The following PALLD variants were observed in gnomAD, a reference collection of about 807,000 sequenced individuals.
The protein encoded by PALLD is palladin.
A neutral mutation model predicts 123.5 loss-of-function variants in PALLD; 61 were observed. The observed-to-expected ratio is 0.49, with a 90% CI of 0.40 to 0.61. The LOEUF is 0.61. PALLD is among the 20% of genes least tolerant of loss of function. The pLI is 0.00. For missense variants in PALLD, 1,273 were observed against 1,377.0 expected, an observed-to-expected ratio of 0.92 and a Z score of 1.20; for synonymous variants, 465 against 496.4, an observed-to-expected ratio of 0.94 and a Z score of 0.84.
At chr4:168,865,870 G>A (rs1750193393) in intron 10 of PALLD, among the ~76,000 whole-genome samples, 1 of 152,178 alleles carries the variant, frequency 6.6e-6, no homozygotes, top group African/African-American at 2.4e-5. Flanking sequence ...GAAAGACCGA[G>A]AATGATTTAG....
chr4:168,926,131 C>A, intron 21 of PALLD, 82 bp from the exon 22 acceptor site: 4 of 1,154,672 alleles, frequency 3.5e-6, no homozygotes, highest in Non-Finnish European at 4.7e-6. Context: ...TCTATCTAGA[C>A]ATTCTGTATT....
At position 168,924,968 on chromosome 4, in the gene PALLD, A is replaced by T; in HGVS notation, c.3248A>T (p.Tyr1083Phe). 1 of 1,614,138 alleles carries T rather than the reference A, an allele frequency of 6.2e-7. No individual in the cohort carries two copies. Among genetic ancestry groups the T allele is most frequent in the Admixed American group, 1.7e-5 (1 of 60,020 alleles). The change falls in exon 20 of 22, where the codon TAC becomes TTC. Residue 1083 changes from tyrosine (Y) to phenylalanine (F), a missense_variant. Tyr to Phe is a conservative substitution (Grantham distance 22). This residue lies in a region of PALLD where 329 missense variants were observed against 422.5 expected (regional missense o/e 0.78). Coordinates refer to ENST00000505667, the MANE Select transcript of PALLD (RefSeq NM_001166108.2). ...AGCATGCACCAGGACAACCACGGCT[A>T]CATCTGCCTGCTCATTCAGGGAGCC... is the stretch of plus-strand genomic sequence containing the variant. ...RVSMHQDNHG[Y>F]ICLLIQGATK...
At chr4:168,747,774 A>G (rs903508913) in intron 10 of PALLD, among the ~76,000 whole-genome samples, 4 of 152,204 alleles carry the variant, frequency 2.6e-5, no homozygotes, top group African/African-American at 7.2e-5. Flanking sequence ...AATTTTAGAG[A>G]TAGATTATTA....
intron 1 of PALLD, among the ~76,000 whole-genome samples, chr4:168,505,466 T>C (rs890061361): frequency 1.3e-5 from 2 of 152,252 alleles, no homozygotes; most frequent in African/African-American, 4.8e-5. Context: ...TCATATTATG[T>C]TCATTTGGAA....
At chr4:168,836,701 G>C (rs1745249438) in intron 10 of PALLD, among the ~76,000 whole-genome samples, 1 of 152,200 alleles carries the variant, frequency 6.6e-6, no homozygotes, top group Non-Finnish European at 1.5e-5. Context: ...ATGACATTCG[G>C]ATGCCTTTGT....
In PALLD at chr4:168,685,470, T is replaced by G; in HGVS notation, c.1261-15T>G. 1.3e-6 allele frequency: 2 copies of G among 1,564,302 alleles called. No individual in the cohort carries two copies. The highest frequency in any genetic ancestry group is 1.8e-6 in the Non-Finnish European group (2 of 1,134,812). On this transcript the variant is annotated splice_polypyrimidine_tract_variant and intron_variant, in intron 5 of 21. Transcript: ENST00000505667. ...ATATATTTAGAATTTGATCCATATGTCTCTGCTTTTGCAGGTTCACAGTCC... is the reference window on the plus strand; with the variant it reads ...ATATATTTAGAATTTGATCCATATGGCTCTGCTTTTGCAGGTTCACAGTCC...
At chr4:168,859,803 C>T (rs1749169940) in intron 10 of PALLD, among the ~76,000 whole-genome samples, 1 of 151,884 alleles carries the variant, frequency 6.6e-6, no homozygotes, top group Admixed American at 6.6e-5. Context: ...CAATGAAGAC[C>T]ACATATGCAG....
chr4:168,542,673 A>G (rs200639501), intron 2 of PALLD, among the ~76,000 whole-genome samples: 3 of 134,562 alleles, frequency 2.2e-5, no homozygotes, highest in African/African-American at 8.5e-5. Flanking sequence ...CTCTCTCTAT[A>G]TATATATATA....
intron 5 of PALLD, among the ~76,000 whole-genome samples, chr4:168,683,394 A>G (rs1781738350): frequency 6.6e-6 from 1 of 152,184 alleles, no homozygotes; most frequent in African/African-American, 2.4e-5. Context: ...AGCTGTAACT[A>G]TTTGATTATT....
chr4:168,637,002 A>G (rs1776410081), intron 2 of PALLD, among the ~76,000 whole-genome samples: 1 of 152,210 alleles, frequency 6.6e-6, no homozygotes, highest in Non-Finnish European at 1.5e-5. Context: ...GAGAGATCAG[A>G]AAACTGGTAA....
chr4:168,810,796 C>G (rs1455397016), intron 10 of PALLD, among the ~76,000 whole-genome samples: 1 of 137,642 alleles, frequency 7.3e-6, no homozygotes, highest in Non-Finnish European at 1.5e-5. Context: ...GCCTGGGCGA[C>G]AGAGCGAGAC....
chr4:168,690,576 TTTTCCTTGAA>T lies in PALLD; in HGVS notation c.1336-12_1336-3del, dbSNP rs772432015. The T allele has an allele frequency of 1.7e-5, 27 of 1,613,922 alleles. No homozygotes were observed. The Middle Eastern group carries it at 4.9e-4, about 29-fold the overall frequency. ...AAAAATGCACCAAAGTCTGATGGGG[TTTTCCTTGAA>T]TTTCCTTGAATTTCAGGAACTGCAA... On this transcript the variant is annotated splice_polypyrimidine_tract_variant and intron_variant, in intron 6 of 21. Transcript: ENST00000505667.
chr4:168,681,377 CAA>C lies in PALLD; in HGVS notation c.1134_1135del (p.Arg379SerfsTer53). Reference sequence around the variant, plus strand: ...GACAGTGAAAGTTTAGCTTTCAAATCAAGAGCTGGAGCTATGCCACAGTAAGT... The same window carrying C: ...GACAGTGAAAGTTTAGCTTTCAAATCGAGCTGGAGCTATGCCACAGTAAGT... On this transcript the variant is annotated frameshift_variant, in exon 4 of 22. Coordinates refer to ENST00000505667, the MANE Select transcript of PALLD (RefSeq NM_001166108.2). LOFTEE classifies it high-confidence loss of function. 1.2e-6 allele frequency: 2 copies of C among 1,607,372 alleles called. No individual in the cohort carries two copies. Among genetic ancestry groups the C allele is most frequent in the Non-Finnish European group, 1.7e-6 (2 of 1,174,144 alleles).
At chr4:168,769,762 AAT>A (rs1434716261) in intron 10 of PALLD, among the ~76,000 whole-genome samples, 3 of 152,190 alleles carry the variant, frequency 2.0e-5, no homozygotes, top group African/African-American at 7.2e-5. Flanking sequence ...GAACACTCAT[AAT>A]GTTGAAAGGG....
At chr4:168,700,130 A>G (rs1343168112) in intron 8 of PALLD, 2 of 218,418 alleles carry the variant, frequency 9.2e-6, no homozygotes, top group Admixed American at 9.5e-5. Flanking sequence ...TGTCAGAACC[A>G]TACAAGCTAT....
chr4:168,871,523 G>C (rs1751070596), intron 10 of PALLD, among the ~76,000 whole-genome samples: 1 of 151,768 alleles, frequency 6.6e-6, no homozygotes, highest in Non-Finnish European at 1.5e-5. Flanking sequence ...AATGTACTTT[G>C]TCTATGTTAA....
At chr4:168,602,079 A>C (rs1246323373) in intron 2 of PALLD, among the ~76,000 whole-genome samples, 1 of 152,202 alleles carries the variant, frequency 6.6e-6, no homozygotes, top group African/African-American at 2.4e-5. Context: ...TGCAGATATT[A>C]ATGTTTGAGT....
intron 2 of PALLD, among the ~76,000 whole-genome samples, chr4:168,539,030 AGT>A (rs1410776495): frequency 6.6e-6 from 1 of 152,250 alleles, no homozygotes; most frequent in Non-Finnish European, 1.5e-5. Context: ...ATAAATGTAT[AGT>A]GTGTCATAAA....
At chr4:168,839,594 A>T (rs1294425950) in intron 10 of PALLD, among the ~76,000 whole-genome samples, 4 of 41,704 alleles carry the variant, frequency 9.6e-5, no homozygotes, top group Non-Finnish European at 9.1e-5. Flanking sequence ...GGGAGGGGGG[A>T]TGGGAGGGGT....
Sources: gnomAD v4.1 joint callset for allele counts (sites outside exome capture counted in the v4.1 genomes callset) on GRCh38, gnomAD v4.1.1 for gene constraint, gnomAD v4.1.1 regional missense constraint, MANE v1.5 for transcripts, NCBI Gene and HGNC (gene_info 2026-07-23, HGNC 2026-07-21) for gene names.